Variants in CNTN5 observed in about 807,000 individuals in gnomAD.
CNTN5 encodes contactin-5.
CNTN5 carries 77 observed loss-of-function variants against 129.1 expected under a neutral mutation model. The observed-to-expected ratio is 0.60, with a 90% CI of 0.50 to 0.72. The LOEUF (loss-of-function observed/expected upper bound fraction) is 0.72, where lower values mean the gene tolerates loss of function less well. Among genes scored for constraint, CNTN5 ranks in the 30% least tolerant of loss-of-function variants. The pLI is 0.00. For synonymous variants in CNTN5, 509 were observed against 465.6 expected (o/e 1.09, Z -1.20); for missense variants, 1,478 against 1,328.8 (o/e 1.11, Z -1.75).
chr11:99,046,616 G>A (rs1392262424), intron 1 of CNTN5, among the ~76,000 whole-genome samples: 6 of 152,130 alleles, frequency 3.9e-5, no homozygotes, highest in Admixed American at 3.9e-4. Context: ...AGGAATTTAA[G>A]CCGAGAAAGG....
At chr11:100,049,829 C>T (rs1233186007) in intron 9 of CNTN5, among the ~76,000 whole-genome samples, 1 of 152,136 alleles carries the variant, frequency 6.6e-6, no homozygotes, top group Non-Finnish European at 1.5e-5. Context: ...TGAACAGACA[C>T]TTCTCAAAAG....
At chr11:99,626,241 G>A (rs1951128323) in intron 3 of CNTN5, among the ~76,000 whole-genome samples, 1 of 152,080 alleles carries the variant, frequency 6.6e-6, no homozygotes, top group South Asian at 2.1e-4. Flanking sequence ...TTCTGTAGGG[G>A]ACTAATGAGA....
At chr11:100,145,510 T>A (rs1946823565) in intron 13 of CNTN5, among the ~76,000 whole-genome samples, 1 of 152,192 alleles carries the variant, frequency 6.6e-6, no homozygotes, top group East Asian at 1.9e-4. Flanking sequence ...TGTATTTAAA[T>A]GGAAACTGGG....
intron 8 of CNTN5, among the ~76,000 whole-genome samples, chr11:99,981,005 A>G (rs1043192168): frequency 6.7e-6 from 1 of 149,868 alleles, no homozygotes; most frequent in African/African-American, 2.4e-5. Context: ...GAATACAACC[A>G]TATATAATCA....
chr11:99,559,921 A>G (rs1372663987), intron 3 of CNTN5, among the ~76,000 whole-genome samples: 2 of 152,222 alleles, frequency 1.3e-5, no homozygotes, highest in African/African-American at 4.8e-5. Context: ...TTCTATATAC[A>G]AATGGCTAAT....
intron 1 of CNTN5, among the ~76,000 whole-genome samples, chr11:99,057,141 A>G (rs1422486756): frequency 1.3e-5 from 2 of 152,038 alleles, no homozygotes; most frequent in Non-Finnish European, 2.9e-5. Flanking sequence ...TGGTTGGATT[A>G]CCTTTGAAAT....
intron 1 of CNTN5, among the ~76,000 whole-genome samples, chr11:99,064,861 C>T (rs943989763): frequency 1.3e-5 from 2 of 151,830 alleles, no homozygotes; most frequent in African/African-American, 4.8e-5. Context: ...TAAAAATTAC[C>T]TTACAATTTT....
chr11:99,131,645 CA>C (rs1435065503), intron 1 of CNTN5, among the ~76,000 whole-genome samples: 1 of 151,998 alleles, frequency 6.6e-6, no homozygotes, highest in East Asian at 1.9e-4. Flanking sequence ...AACTGGGAAA[CA>C]TAGAAGAAAT....
At chr11:99,536,546 G>C (rs72993200) in intron 2 of CNTN5, among the ~76,000 whole-genome samples, 12,640 of 151,988 alleles carry the variant, frequency 0.083, 608 homozygotes, top group African/African-American at 0.12. Flanking sequence ...CTATTTTAAG[G>C]ATATGAACCA....
intron 3 of CNTN5, among the ~76,000 whole-genome samples, chr11:99,676,361 TA>T (rs1953283490): frequency 6.6e-6 from 1 of 152,250 alleles, no homozygotes; most frequent in East Asian, 1.9e-4. Flanking sequence ...ATAGAGAAGG[TA>T]AAAATTCAGA....
chr11:99,681,566 T>C (rs1953555474), intron 3 of CNTN5, among the ~76,000 whole-genome samples: 1 of 152,086 alleles, frequency 6.6e-6, no homozygotes, highest in Non-Finnish European at 1.5e-5. Flanking sequence ...TTACATTTTT[T>C]AGATGAATGC....
intron 2 of CNTN5, among the ~76,000 whole-genome samples, chr11:99,396,616 A>C (rs1403838922): frequency 1.3e-5 from 2 of 151,642 alleles, no homozygotes; most frequent in Non-Finnish European, 3.0e-5. Flanking sequence ...ACCAAAGAGT[A>C]AGTAGTGAAA....
rs150780255 is a variant in CNTN5, at chr11:99,145,498, A to G, written c.-210+124228A>G. 5.9e-4 allele frequency among the ~76,000 whole-genome samples: 90 copies of G among 152,136 alleles called. No individual in the cohort carries two copies. The East Asian group carries it at 0.017, about 28-fold the overall frequency. ...TCTTGTTTATTCTATATTTTTGAAG[A>G]CGATTTTTCTTCTTATAATCCTATT... On this transcript the variant is annotated intron_variant, in intron 1 of 24. Coordinates refer to ENST00000524871, the MANE Select transcript of CNTN5 (RefSeq NM_014361.4).
intron 1 of CNTN5, among the ~76,000 whole-genome samples, chr11:99,314,491 G>C (rs1011381706): frequency 6.6e-6 from 1 of 151,986 alleles, no homozygotes; most frequent in Non-Finnish European, 1.5e-5. Flanking sequence ...CTATGTAAAG[G>C]CTAGTTTTAT....
At chr11:100,030,347 C>T (rs1941644724) in intron 9 of CNTN5, among the ~76,000 whole-genome samples, 1 of 152,132 alleles carries the variant, frequency 6.6e-6, no homozygotes. Flanking sequence ...GTCACTGCAG[C>T]CTGGGCAGCA....
intron 13 of CNTN5, among the ~76,000 whole-genome samples, chr11:100,086,023 A>G (rs192005763): frequency 8.4e-4 from 127 of 152,074 alleles, no homozygotes; most frequent in Admixed American, 7.9e-3. Flanking sequence ...AGTAAATACT[A>G]ATATTTGTCC....
chr11:100,275,006 C>CA (rs1172038996), intron 18 of CNTN5, among the ~76,000 whole-genome samples: 1 of 151,122 alleles, frequency 6.6e-6, no homozygotes, highest in African/African-American at 2.4e-5. Flanking sequence ...GTTTAATTGC[C>CA]AAAAAAATCC....
intron 13 of CNTN5, among the ~76,000 whole-genome samples, chr11:100,079,924 A>G (rs1444585268): frequency 1.3e-5 from 2 of 152,158 alleles, no homozygotes; most frequent in Non-Finnish European, 2.9e-5. Flanking sequence ...GTTAAAATAT[A>G]ATCATCCAGA....
chr11:100,271,358 T>C (rs1250103886), intron 18 of CNTN5, 117 bp downstream of exon 18: 6 of 547,876 alleles, frequency 1.1e-5, no homozygotes, highest in Non-Finnish European at 1.8e-5. Flanking sequence ...CTGATTCATT[T>C]ACCTAAACAT....
Sources: gnomAD v4.1 joint callset for allele counts (sites outside exome capture counted in the v4.1 genomes callset) on GRCh38, gnomAD v4.1.1 for gene constraint, MANE v1.5 for transcripts, NCBI Gene and HGNC (gene_info 2026-07-23, HGNC 2026-07-21) for gene names.